Variants in AUTS2 observed in about 807,000 individuals in gnomAD.
AUTS2 encodes autism susceptibility gene 2 protein.
Under a neutral mutation model 112.4 loss-of-function variants are expected in AUTS2, and 17 were observed. That is an observed-to-expected ratio of 0.15 (90% CI 0.10 to 0.23). The LOEUF (loss-of-function observed/expected upper bound fraction) is 0.23. Among genes scored for constraint, AUTS2 ranks in the 10% least tolerant of loss-of-function variants. The pLI is 1.00. For missense variants in AUTS2, 1,510 were observed against 1,701.6 expected, an observed-to-expected ratio of 0.89 and a Z score of 1.98; for synonymous variants, 751 against 702.7, an observed-to-expected ratio of 1.07 and a Z score of -1.09.
At chr7:70,272,487 G>A (rs561148477) in intron 4 of AUTS2, among the ~76,000 whole-genome samples, 2 of 152,240 alleles carry the variant, frequency 1.3e-5, no homozygotes, top group South Asian at 2.1e-4. Context: ...AAGTCCCATC[G>A]CTTCTTTTGG....
chr7:70,069,711 T>G (rs1280031337), intron 2 of AUTS2, among the ~76,000 whole-genome samples: 3 of 151,170 alleles, frequency 2.0e-5, no homozygotes, highest in East Asian at 3.9e-4. Context: ...TTTTTTTGTT[T>G]TTTTTTTTTT....
chr7:70,104,146 C>T (rs1202262140), intron 2 of AUTS2, among the ~76,000 whole-genome samples: 3 of 149,390 alleles, frequency 2.0e-5, no homozygotes, highest in African/African-American at 7.4e-5. Flanking sequence ...CAATTTGAGT[C>T]AAAAATTAGC....
At chr7:70,119,611 C>G (rs568561970) in intron 3 of AUTS2, 1 of 151,788 alleles carries the variant, frequency 6.6e-6, no homozygotes, top group South Asian at 2.1e-4. Context: ...GATCTGCCAC[C>G]TCAACCTCCC....
At chr7:69,681,375 A>T (rs1219339676) in intron 1 of AUTS2, among the ~76,000 whole-genome samples, 1 of 152,206 alleles carries the variant, frequency 6.6e-6, no homozygotes, top group African/African-American at 2.4e-5. Context: ...TGTCACCAAC[A>T]GTGCACATGT....
At chr7:70,365,686 A>G (rs1288429033) in intron 4 of AUTS2, among the ~76,000 whole-genome samples, 1 of 152,264 alleles carries the variant, frequency 6.6e-6, no homozygotes, top group Admixed American at 6.5e-5. Flanking sequence ...AAGTGTTCTG[A>G]CAAGGAACTA....
chr7:70,120,263 A>G (rs1006641067), intron 3 of AUTS2: 1 of 152,216 alleles, frequency 6.6e-6, no homozygotes, highest in South Asian at 2.1e-4. Flanking sequence ...TAAATGGAAT[A>G]AAGTATAATT....
chr7:69,919,066 A>G (rs1339254003), intron 2 of AUTS2, among the ~76,000 whole-genome samples: 1 of 152,228 alleles, frequency 6.6e-6, no homozygotes, highest in Non-Finnish European at 1.5e-5. Context: ...AGCTTGGGTC[A>G]TTAACTATTG....
chr7:70,141,349 A>G (rs559652294), intron 4 of AUTS2, among the ~76,000 whole-genome samples: 1 of 152,296 alleles, frequency 6.6e-6, no homozygotes, highest in East Asian at 1.9e-4. Context: ...AATGACTACA[A>G]TACTCTTACT....
At chr7:70,238,070 T>C (rs1351665420) in intron 4 of AUTS2, among the ~76,000 whole-genome samples, 2 of 152,194 alleles carry the variant, frequency 1.3e-5, no homozygotes, top group South Asian at 2.1e-4. Flanking sequence ...AACCATTAAA[T>C]TTCCTGTGGA....
rs552294262 is a variant in AUTS2 at position 70,050,985 on chromosome 7, ACT to A, written c.523-67144_523-67143del. On this transcript the variant is annotated intron_variant, in intron 2 of 18. Transcript: ENST00000342771. ...ACTCCAGCCTGGGCGACAGAGCGAG[ACT>A]CTGTCTCCATCAATCAATCAATCAA... 7.2e-5 allele frequency among the ~76,000 whole-genome samples: 11 copies of A among 152,242 alleles called. 1 individual carries two copies. The South Asian group carries it at 2.1e-3, about 29-fold the overall frequency.
intron 6 of AUTS2, among the ~76,000 whole-genome samples, chr7:70,756,657 A>G (rs192006904): frequency 6.6e-6 from 1 of 152,108 alleles, no homozygotes; most frequent in East Asian, 1.9e-4. Flanking sequence ...CTAGAATGGT[A>G]TCTAAATACT....
At chr7:69,835,686 A>G (rs1468567876) in intron 1 of AUTS2, among the ~76,000 whole-genome samples, 1 of 152,198 alleles carries the variant, frequency 6.6e-6, no homozygotes, top group Non-Finnish European at 1.5e-5. Context: ...GACTTTGGGA[A>G]AGCCTGAAGA....
At chr7:69,952,522 T>C (rs559643543) in intron 2 of AUTS2, among the ~76,000 whole-genome samples, 1 of 152,296 alleles carries the variant, frequency 6.6e-6, no homozygotes, top group South Asian at 2.1e-4. Context: ...ATTGAACTAG[T>C]AGTTGTAATA....
intron 4 of AUTS2, among the ~76,000 whole-genome samples, chr7:70,218,228 CTGTT>C (rs1811277333): frequency 6.6e-6 from 1 of 152,212 alleles, no homozygotes; most frequent in South Asian, 2.1e-4. Context: ...AGGCAGTTCT[CTGTT>C]TGAATGCTAC....
intron 5 of AUTS2, among the ~76,000 whole-genome samples, chr7:70,654,699 G>T (rs1359559697): frequency 6.6e-6 from 1 of 152,168 alleles, no homozygotes; most frequent in Non-Finnish European, 1.5e-5. Context: ...CCACTATTGA[G>T]GCTAATTCGT....
intron 4 of AUTS2, among the ~76,000 whole-genome samples, chr7:70,156,024 G>A (rs367655931): frequency 1.6e-4 from 25 of 152,078 alleles, no homozygotes; most frequent in Middle Eastern, 3.2e-3. Flanking sequence ...CTGCTGACAC[G>A]TGGGTAGTGC....
chr7:70,123,106 C>T (rs1401822844), intron 3 of AUTS2, among the ~76,000 whole-genome samples: 1 of 151,976 alleles, frequency 6.6e-6, no homozygotes, highest in Non-Finnish European at 1.5e-5. Flanking sequence ...AAACTCCTGA[C>T]CTCAGGTGAT....
chr7:70,721,663 T>C (rs1023163552), intron 6 of AUTS2, among the ~76,000 whole-genome samples: 31 of 152,220 alleles, frequency 2.0e-4, no homozygotes, highest in African/African-American at 6.5e-4. Context: ...GTTCATGACC[T>C]GCTACTGGGC....
At chr7:69,905,129 T>C (rs1460943806) in intron 2 of AUTS2, among the ~76,000 whole-genome samples, 1 of 152,232 alleles carries the variant, frequency 6.6e-6, no homozygotes, top group Non-Finnish European at 1.5e-5. Context: ...CTTTTGACTC[T>C]ATACTTTGTT....
Sources: gnomAD v4.1 joint callset for allele counts (sites outside exome capture counted in the v4.1 genomes callset) on GRCh38, gnomAD v4.1.1 for gene constraint, MANE v1.5 for transcripts, NCBI Gene and HGNC (gene_info 2026-07-23, HGNC 2026-07-21) for gene names.